The following SSH2 variants were observed in gnomAD, a reference collection of about 807,000 sequenced individuals.
SSH2 encodes protein phosphatase Slingshot homolog 2.
In SSH2, 37 loss-of-function variants were observed where a neutral mutation model predicts 135.2. That is an observed-to-expected ratio of 0.27 (90% CI 0.21 to 0.36). The LOEUF (loss-of-function observed/expected upper bound fraction) is 0.36, where lower values mean the gene tolerates loss of function less well. Ranked by LOEUF, SSH2 falls within the 10% of genes least tolerant of loss-of-function variation. The pLI is 1.00. For synonymous variants in SSH2, 628 were observed against 646.2 expected (o/e 0.97, Z 0.43); for missense variants, 1,408 against 1,765.3 (o/e 0.80, Z 3.63).
intron 2 of SSH2, among the ~76,000 whole-genome samples, chr17:29,812,512 G>A (rs1176621018): frequency 6.6e-6 from 1 of 152,098 alleles, no homozygotes; most frequent in Non-Finnish European, 1.5e-5. Context: ...TTGAACTCCT[G>A]GATTCAAGCG....
At chr17:29,798,451 C>A (rs1432116560) in intron 2 of SSH2, among the ~76,000 whole-genome samples, 1 of 152,086 alleles carries the variant, frequency 6.6e-6, no homozygotes, top group East Asian at 1.9e-4. Flanking sequence ...GCCACCGTGC[C>A]CAGCTCAATC....
At chr17:29,700,640 A>C (rs1161078940) in intron 4 of SSH2, among the ~76,000 whole-genome samples, 1 of 152,172 alleles carries the variant, frequency 6.6e-6, no homozygotes, top group East Asian at 1.9e-4. Context: ...AATATGTGAC[A>C]TAATGACTCA....
intron 6 of SSH2, among the ~76,000 whole-genome samples, chr17:29,681,534 A>G (rs571166422): frequency 6.6e-6 from 1 of 151,496 alleles, no homozygotes; most frequent in South Asian, 2.1e-4. Flanking sequence ...TGTACCAGAC[A>G]TTTCAAGGTG....
intron 5 of SSH2, among the ~76,000 whole-genome samples, chr17:29,689,137 G>A (rs1234855621): frequency 6.8e-6 from 1 of 146,780 alleles, no homozygotes; most frequent in Non-Finnish European, 1.5e-5. Flanking sequence ...CAGCCTGGGC[G>A]ACAGGGCAAG....
At chr17:29,640,141 C>T (rs977849549) in intron 14 of SSH2, among the ~76,000 whole-genome samples, 45 of 151,064 alleles carry the variant, frequency 3.0e-4, no homozygotes, top group African/African-American at 1.1e-3. Context: ...TGCAGTGGCG[C>T]GATCTCGGCT....
At chr17:29,691,792 T>C (rs2038490427) in intron 5 of SSH2, among the ~76,000 whole-genome samples, 1 of 151,358 alleles carries the variant, frequency 6.6e-6, no homozygotes, top group African/African-American at 2.4e-5. Context: ...GCCCGGCTTA[T>C]TTTCAATGCT....
At chr17:29,670,306 C>G (rs987803905) in intron 9 of SSH2, among the ~76,000 whole-genome samples, 5 of 152,170 alleles carry the variant, frequency 3.3e-5, no homozygotes, top group Non-Finnish European at 5.9e-5. Flanking sequence ...AACCCATCAT[C>G]CAGCTGTAAA....
Position 29,628,918 on chromosome 17 carries a change from T to G in SSH2, c.*1923A>C, listed in dbSNP as rs1233594450. 1.3e-5 allele frequency: 2 copies of G among 152,508 alleles called. No homozygotes were observed. Among genetic ancestry groups the G allele is most frequent in the South Asian group, 2.1e-4 (1 of 4,828 alleles). 9.4% of individuals were successfully genotyped at this position (152,508 alleles called of 1,614,324 possible). ...GCCCCAGTCTACCTTTTCTGCATCT[T>G]TTGGGTCGCCCTGCCATCTGCCCCC... is the stretch of plus-strand genomic sequence containing the variant. On this transcript the variant is annotated 3_prime_UTR_variant, in exon 16 of 16. Transcript: ENST00000540801.
chr17:29,640,596 A>G (rs555749065), intron 14 of SSH2: 10 of 152,172 alleles, frequency 6.6e-5, no homozygotes, highest in African/African-American at 2.4e-4. Flanking sequence ...TGTAAAAGAG[A>G]GAGAAAAAAA....
intron 3 of SSH2, among the ~76,000 whole-genome samples, chr17:29,771,477 A>C (rs988308115): frequency 1.3e-5 from 2 of 152,180 alleles, no homozygotes; most frequent in Non-Finnish European, 2.9e-5. Context: ...TTCCTTAAAG[A>C]ATCAGTACAT....
At chr17:29,825,254 G>A (rs1249690582) in intron 2 of SSH2, among the ~76,000 whole-genome samples, 1 of 152,132 alleles carries the variant, frequency 6.6e-6, no homozygotes, top group African/African-American at 2.4e-5. Flanking sequence ...TCCTTTTAGA[G>A]GCAGAGAAAT....
At position 29,892,345 on chromosome 17, in the gene SSH2, T is replaced by C. The variant is rs1332031720; in HGVS notation, c.63+37593A>G. 5.3e-5 allele frequency among the ~76,000 whole-genome samples: 8 copies of C among 151,858 alleles called. No homozygotes were observed. In the East Asian group the frequency reaches 1.5e-3, roughly 29 times the overall value. Reference sequence around the variant, plus strand: ...CCCCAAAGTTTATAAACTGCTTCCCTGGTGTGGATGAGGGTGTTGCTCTTT... The same window carrying C: ...CCCCAAAGTTTATAAACTGCTTCCCCGGTGTGGATGAGGGTGTTGCTCTTT... On this transcript the variant is annotated intron_variant, in intron 1 of 15. Coordinates refer to ENST00000540801, the MANE Select transcript of SSH2 (RefSeq NM_001282129.2).
At chr17:29,802,342 A>G (rs1349626881) in intron 2 of SSH2, among the ~76,000 whole-genome samples, 1 of 152,200 alleles carries the variant, frequency 6.6e-6, no homozygotes, top group East Asian at 1.9e-4. Context: ...AATTATAACG[A>G]TATGTCATTT....
In SSH2 at chr17:29,913,347, A is replaced by AAAAATTATATAT; in HGVS notation, c.63+16590_63+16591insATATATAATTTT. Among the ~76,000 whole-genome samples the AAAAATTATATAT allele has an allele frequency of 8.0e-4, 23 of 28,782 alleles. 4 individuals are homozygous for AAAAATTATATAT. The Admixed American group carries it at 8.8e-3, about 11-fold the overall frequency. The allele number at this position is 28,782 out of a possible 152,430, so 18.9% of individuals were successfully genotyped here. On this transcript the variant is annotated intron_variant, in intron 1 of 15. Coordinates refer to ENST00000540801, the MANE Select transcript of SSH2 (RefSeq NM_001282129.2). ...AAAAAAAAAAAAAAAAAAAAAAAAAAATATATATATATATATATATATATA... is the reference window on the plus strand; with the variant it reads ...AAAAAAAAAAAAAAAAAAAAAAAAAAAAAATTATATATATATATATATATATATATATATATA...
At position 29,756,934 on chromosome 17, in the gene SSH2, C is replaced by T. The variant is rs917093614; in HGVS notation, c.188+36960G>A. Among the ~76,000 whole-genome samples, 4 of 152,038 alleles carry T rather than the reference C, an allele frequency of 2.6e-5. No homozygotes were observed. In the East Asian group the frequency reaches 5.8e-4, roughly 22 times the overall value. On this transcript the variant is annotated intron_variant, in intron 3 of 15. Transcript: ENST00000540801. ...CCTCTCAAAGTGCTGGGATTACAGG[C>T]GTGAGCCACCCTGCCTGGCTTGTTT...
At chr17:29,929,791 TGGG>T (rs2067148790) in intron 1 of SSH2, 144 bp downstream of exon 1, 3 of 670,080 alleles carry the variant, frequency 4.5e-6, no homozygotes, top group Non-Finnish European at 7.6e-6. Flanking sequence ...GTCTTTAACA[TGGG>T]GGTGTGGGGG....
chr17:29,889,464 C>G (rs1007853255), intron 1 of SSH2, among the ~76,000 whole-genome samples: 6 of 151,536 alleles, frequency 4.0e-5, no homozygotes, highest in African/African-American at 1.5e-4. Context: ...AACAAAAAAC[C>G]AAAAAACTCT....
intron 3 of SSH2, among the ~76,000 whole-genome samples, chr17:29,765,551 T>C (rs1381595619): frequency 2.0e-5 from 3 of 152,190 alleles, no homozygotes; most frequent in Admixed American, 2.0e-4. Context: ...TCTATGCTCT[T>C]TTCCACAAAT....
intron 2 of SSH2, among the ~76,000 whole-genome samples, chr17:29,841,892 A>ATTTTTTTTTTTTTTTTTTTTTTTTTTTT (rs770836134): frequency 1.0e-5 from 1 of 99,640 alleles, no homozygotes; most frequent in African/African-American, 3.9e-5. Context: ...CCCTTGGCTA[A>ATTTTTTTTTTTTTTTTTTTTTTTTTTTT]TTTTTTTTTT....
Sources: gnomAD v4.1 joint callset for allele counts (sites outside exome capture counted in the v4.1 genomes callset) on GRCh38, gnomAD v4.1.1 for gene constraint, MANE v1.5 for transcripts, NCBI Gene and HGNC (gene_info 2026-07-23, HGNC 2026-07-21) for gene names.